Variants in ASPRV1 observed in about 807,000 individuals in gnomAD.
ASPRV1 encodes the protein aspartic peptidase retroviral like 1, also known as retroviral-like aspartic protease 1.
Under a neutral mutation model 11.0 loss-of-function variants are expected in ASPRV1, and 7 were observed. The ratio of observed to expected loss-of-function variants is 0.64; its 90% CI spans 0.36 to 1.20. The LOEUF is 1.20. ASPRV1 is among the 50% of genes most tolerant of loss of function. The pLI, the probability that ASPRV1 is intolerant of heterozygous loss-of-function variation, is 0.02. For missense variants in ASPRV1, 299 were observed against 320.0 expected (o/e 0.93, Z 0.50); for synonymous variants, 136 against 138.4 (o/e 0.98, Z 0.12).
the ASPRV1 span, chr2:70,018,917 A>G: frequency 6.6e-6 from 1 of 152,232 alleles, no homozygotes; most frequent in Non-Finnish European, 1.5e-5. Context: ...AAATAGGATT[A>G]CATCAAACTG....
At chr2:70,009,160 C>T in the ASPRV1 span, among the ~76,000 whole-genome samples, 1 of 151,972 alleles carries the variant, frequency 6.6e-6, no homozygotes, top group Non-Finnish European at 1.5e-5. Flanking sequence ...ACATTTCCAC[C>T]AAATAATTAA....
the ASPRV1 span, among the ~76,000 whole-genome samples, chr2:70,064,543 T>C: frequency 6.6e-6 from 1 of 152,266 alleles, no homozygotes; most frequent in Middle Eastern, 3.4e-3. Flanking sequence ...ATCCAGGCAG[T>C]GGCAGAGCAT....
chr2:69,957,164 G>A (rs780287939), downstream of ASPRV1, among the ~76,000 whole-genome samples: 1 of 152,090 alleles, frequency 6.6e-6, no homozygotes, highest in Non-Finnish European at 1.5e-5. Context: ...TTTGATAACT[G>A]CATCATGGTT....
At chr2:70,041,038 C>A in the ASPRV1 span, among the ~76,000 whole-genome samples, 1 of 152,136 alleles carries the variant, frequency 6.6e-6, no homozygotes, top group South Asian at 2.1e-4. Context: ...AGGCTAAGGC[C>A]CCAAGGGTGG....
chr2:70,084,686 ATT>A, the ASPRV1 span, among the ~76,000 whole-genome samples: 3 of 152,318 alleles, frequency 2.0e-5, no homozygotes, highest in Admixed American at 6.5e-5. Flanking sequence ...AGTAACAAAT[ATT>A]GTTTTGCAAA....
At chr2:70,025,485 A>G in the ASPRV1 span, among the ~76,000 whole-genome samples, 2 of 152,182 alleles carry the variant, frequency 1.3e-5, no homozygotes, top group African/African-American at 4.8e-5. Context: ...AGTGTACCCA[A>G]CATTGCTGTG....
chr2:70,048,033 C>G, the ASPRV1 span, among the ~76,000 whole-genome samples: 6 of 141,038 alleles, frequency 4.3e-5, no homozygotes, highest in South Asian at 1.3e-3. Flanking sequence ...TGCTTAAATC[C>G]GGGAGGCAGA....
the ASPRV1 span, among the ~76,000 whole-genome samples, chr2:70,051,591 G>A: frequency 6.6e-6 from 1 of 152,104 alleles, no homozygotes; most frequent in African/African-American, 2.4e-5. Context: ...TATACCAAAT[G>A]TCCAACAAAT....
the ASPRV1 span, among the ~76,000 whole-genome samples, chr2:69,973,801 T>C: frequency 2.0e-5 from 3 of 152,232 alleles, no homozygotes; most frequent in Admixed American, 6.5e-5. Flanking sequence ...ATGTGCATTA[T>C]TAGCATTTTC....
At chr2:69,953,443 T>C in the ASPRV1 span, among the ~76,000 whole-genome samples, 2 of 152,212 alleles carry the variant, frequency 1.3e-5, no homozygotes, top group Non-Finnish European at 2.9e-5. Context: ...TGCCCGTGCA[T>C]GGCACAGAAA....
At chr2:70,061,162 G>A in the ASPRV1 span, among the ~76,000 whole-genome samples, 4 of 151,850 alleles carry the variant, frequency 2.6e-5, no homozygotes, top group African/African-American at 7.3e-5. Context: ...TTGGGAGGCC[G>A]AGGCAGGTGA....
chr2:70,061,412 A>C, the ASPRV1 span, among the ~76,000 whole-genome samples: 39 of 151,796 alleles, frequency 2.6e-4, no homozygotes, highest in African/African-American at 9.2e-4. Context: ...AAAAAAAACA[A>C]AAAAAAACCT....
chr2:70,005,127 G>A, the ASPRV1 span, among the ~76,000 whole-genome samples: 2 of 152,046 alleles, frequency 1.3e-5, no homozygotes, highest in South Asian at 4.2e-4. Flanking sequence ...AGTGGCAATC[G>A]CAGCTCATTG....
the ASPRV1 span, among the ~76,000 whole-genome samples, chr2:70,058,626 C>T: frequency 1.4e-5 from 2 of 144,482 alleles, no homozygotes; most frequent in Admixed American, 1.4e-4. Flanking sequence ...GATCTCGGCT[C>T]ACTGCAACCT....
the ASPRV1 span, among the ~76,000 whole-genome samples, chr2:70,082,080 T>C: frequency 6.6e-6 from 1 of 152,144 alleles, no homozygotes; most frequent in South Asian, 2.1e-4. Context: ...CAGGTTCACA[T>C]TCACATGCCT....
chr2:69,948,658 TAC>T, the ASPRV1 span, among the ~76,000 whole-genome samples: 1 of 152,122 alleles, frequency 6.6e-6, no homozygotes, highest in Non-Finnish European at 1.5e-5. Flanking sequence ...TGGCTGCTCC[TAC>T]AGAGTGGAGC....
At chr2:69,935,137 A>C in the ASPRV1 span, among the ~76,000 whole-genome samples, 2 of 152,228 alleles carry the variant, frequency 1.3e-5, no homozygotes, top group African/African-American at 4.8e-5. Context: ...TTGTATTATC[A>C]ATAGACTTAG....
the ASPRV1 span, among the ~76,000 whole-genome samples, chr2:70,060,631 G>A: frequency 4.6e-5 from 7 of 152,098 alleles, no homozygotes; most frequent in East Asian, 1.9e-4. Flanking sequence ...TGACCACCAC[G>A]GTGAAACCCC....
chr2:69,999,299 A>AC, the ASPRV1 span, among the ~76,000 whole-genome samples: 16 of 151,774 alleles, frequency 1.1e-4, no homozygotes, highest in African/African-American at 3.9e-4. Context: ...AAAAAAAAAA[A>AC]CTCACTAAAA....
Sources: gnomAD v4.1 joint callset for allele counts (sites outside exome capture counted in the v4.1 genomes callset) on GRCh38, gnomAD v4.1.1 for gene constraint, MANE v1.5 for transcripts, NCBI Gene and HGNC (gene_info 2026-07-23, HGNC 2026-07-21) for gene names.